Variants in INO80 observed in about 807,000 individuals in gnomAD.
The protein encoded by INO80 is INO80 complex ATPase subunit.
A neutral mutation model predicts 203.4 loss-of-function variants in INO80; 20 were observed. The ratio of observed to expected loss-of-function variants is 0.10; its 90% CI spans 0.07 to 0.14. The LOEUF (loss-of-function observed/expected upper bound fraction) is 0.14, where lower values mean the gene tolerates loss of function less well. Ranked by LOEUF, INO80 falls within the 10% of genes least tolerant of loss-of-function variation. INO80 has a pLI of 1.00. For missense variants in INO80, 1,419 were observed against 1,914.4 expected, an observed-to-expected ratio of 0.74 and a Z score of 4.83; for synonymous variants, 726 against 685.2, an observed-to-expected ratio of 1.06 and a Z score of -0.93.
intron 16 of INO80, 64 bp downstream of exon 16, chr15:41,058,551 CTGTGTGTGTGTGTGTGTGCGTGTG>C (rs1199681116): frequency 1.4e-5 from 12 of 872,474 alleles, no homozygotes; most frequent in Admixed American, 2.6e-5. Context: ...ATATACAAGT[CTGTGTGTGTGTGTGTGTGCGTGTG>C]TGTGTGTGTG....
At position 40,980,210 on chromosome 15, in the gene INO80, A is replaced by G. The variant is rs775664082; in HGVS notation, c.*13T>C. On this transcript the variant is annotated 3_prime_UTR_variant, in exon 36 of 36. Transcript: ENST00000648947. ...CCCTGGTTTGGTTGAAGGAAGTCGG[A>G]GGGCCCAGATGGTTACCGTCCTCCA... 3.7e-6 allele frequency: 6 copies of G among 1,609,644 alleles called. No homozygotes were observed. The South Asian group carries it at 4.4e-5, about 12-fold the overall frequency.
chr15:40,983,679 A>T (rs1893918412), intron 34 of INO80, 83 bp downstream of exon 34: 2 of 1,206,304 alleles, frequency 1.7e-6, no homozygotes, highest in Non-Finnish European at 2.4e-6. Flanking sequence ...CCATTATCCT[A>T]GAAGGAATCA....
intron 16 of INO80, 29 bp downstream of exon 16, chr15:41,058,609 AT>A: frequency 1.9e-6 from 3 of 1,601,278 alleles, no homozygotes; most frequent in Middle Eastern, 1.7e-4. Context: ...AACCCAATGC[AT>A]TGAGTTTGGT....
chr15:41,027,511 TTC>T, intron 25 of INO80, 83 bp downstream of exon 25: 4 of 1,176,116 alleles, frequency 3.4e-6, no homozygotes, highest in Non-Finnish European at 4.8e-6. Context: ...TTTAAAACAA[TTC>T]TGTTTAAGAA....
At chr15:41,021,291 A>G (rs2044290651) in intron 25 of INO80, among the ~76,000 whole-genome samples, 166 bp from the exon 26 acceptor site, 1 of 152,202 alleles carries the variant, frequency 6.6e-6, no homozygotes, top group Non-Finnish European at 1.5e-5. Context: ...TGACTTAGTG[A>G]GCTTTTCCAG....
Position 41,047,405 on chromosome 15 carries a change from C to T in INO80, c.2735+3G>A. On this transcript the variant is annotated splice_donor_region_variant and intron_variant, in intron 23 of 35. Coordinates refer to ENST00000648947, the MANE Select transcript of INO80 (RefSeq NM_017553.3). ...CTTATCAAGCAATAAGCAAACCTCT[C>T]ACCTGGCCAAAAGTCCCTGAAGCAT... 2 of 1,608,698 alleles carry T rather than the reference C, an allele frequency of 1.2e-6. No homozygotes were observed. Among genetic ancestry groups the T allele is most frequent in the South Asian group, 1.1e-5 (1 of 90,842 alleles).
At chr15:40,992,281 A>G (rs2043826631) in intron 29 of INO80, among the ~76,000 whole-genome samples, 1 of 152,248 alleles carries the variant, frequency 6.6e-6, no homozygotes, top group Admixed American at 6.5e-5. Context: ...CAGGTCTGAC[A>G]CAGAAACACA....
At position 41,085,774 on chromosome 15, in the gene INO80, G is replaced by C. The variant is rs575887894; in HGVS notation, c.659-191C>G. On this transcript the variant is annotated intron_variant, in intron 6 of 35. Coordinates refer to ENST00000648947, the MANE Select transcript of INO80 (RefSeq NM_017553.3). ...ACAGAGAAGAAGAAACATACTGATT[G>C]ATACCTCACTAACCTGGAAAAGAAC... Among the ~76,000 whole-genome samples, 9 of 152,224 alleles carry C rather than the reference G, an allele frequency of 5.9e-5. No homozygotes were observed. The South Asian group carries it at 1.9e-3, about 32-fold the overall frequency.
chr15:41,109,983 T>C (rs2045935911), intron 1 of INO80, among the ~76,000 whole-genome samples: 1 of 149,184 alleles, frequency 6.7e-6, no homozygotes, highest in African/African-American at 2.5e-5. Context: ...TAATCCCAGC[T>C]GCTGGGGAGG....
chr15:41,087,537 G>A lies in INO80; in HGVS notation c.658+25C>T, dbSNP rs79884917. On this transcript the variant is annotated intron_variant, in intron 6 of 35. Coordinates refer to ENST00000648947, the MANE Select transcript of INO80 (RefSeq NM_017553.3). ...ATTCTGAAACTAAGAATGAATATAC[G>A]TGGAAGGCAGTTCAACATGCTCACC... 6.2e-4 allele frequency: 1,001 copies of A among 1,612,062 alleles called. 7 individuals carry two copies. In the African/African-American group the frequency reaches 0.011, roughly 18 times the overall value.
At chr15:41,070,617 A>C (rs1309900569) in intron 12 of INO80, 70 bp from the exon 13 acceptor site, 1 of 1,227,678 alleles carries the variant, frequency 8.1e-7, no homozygotes, top group Non-Finnish European at 1.2e-6. Flanking sequence ...GTTACCAAAA[A>C]GAACGACCAA....
intron 18 of INO80, among the ~76,000 whole-genome samples, chr15:41,054,388 G>A (rs1023846416): frequency 6.6e-6 from 1 of 152,076 alleles, no homozygotes; most frequent in Non-Finnish European, 1.5e-5. Context: ...ATCACATAAG[G>A]ATTTTTCTAA....
intron 27 of INO80, among the ~76,000 whole-genome samples, chr15:41,012,107 G>A (rs774762941): frequency 6.6e-6 from 1 of 152,178 alleles, no homozygotes; most frequent in Non-Finnish European, 1.5e-5. Context: ...TCAGAGATAA[G>A]TCATCTGTAA....
chr15:41,058,139 T>C (rs1003160278), intron 16 of INO80, among the ~76,000 whole-genome samples: 1 of 152,142 alleles, frequency 6.6e-6, no homozygotes, highest in South Asian at 2.1e-4. Context: ...AGAACTCCTA[T>C]CTAAAATAAT....
intron 28 of INO80, among the ~76,000 whole-genome samples, chr15:40,998,587 C>A (rs2140428695): frequency 6.6e-6 from 1 of 152,234 alleles, no homozygotes; most frequent in Admixed American, 6.5e-5. Context: ...CTGTCACTCA[C>A]TCGAGCAACA....
At chr15:41,037,773 C>T (rs1032885343) in intron 24 of INO80, among the ~76,000 whole-genome samples, 4 of 151,714 alleles carry the variant, frequency 2.6e-5, no homozygotes, top group Non-Finnish European at 4.4e-5. Flanking sequence ...CGAAACCCCA[C>T]CTCTACTAAA....
Position 40,987,848 on chromosome 15 carries a change from G to T in INO80, c.3697C>A (p.Arg1233Ser). The T allele has an allele frequency of 6.2e-7, 1 of 1,614,054 alleles. No individual in the cohort carries two copies. The highest frequency in any genetic ancestry group is 8.5e-7 in the Non-Finnish European group (1 of 1,179,988). ...RLICKGTIEE[R>S]ILQRAKEKSE... is the part of the protein sequence containing the mutation. Reference sequence around the variant, plus strand: ...TTCTCCTTGGCTCTTTGCAGAATGCGTTCTTCAATGGTGCCTTTACAGATG... The same window carrying T: ...TTCTCCTTGGCTCTTTGCAGAATGCTTTCTTCAATGGTGCCTTTACAGATG... Residue 1233 changes from arginine to serine, a missense_variant, in exon 30 of 36, where the codon CGC becomes AGC. By Grantham distance (110) the Arg-to-Ser change is moderately radical. This residue lies in a region of INO80 where 65 missense variants were observed against 186.7 expected (regional missense o/e 0.35). Coordinates refer to ENST00000648947, the MANE Select transcript of INO80 (RefSeq NM_017553.3).
intron 24 of INO80, among the ~76,000 whole-genome samples, chr15:41,040,240 T>G (rs1191516702): frequency 1.3e-5 from 2 of 152,134 alleles, no homozygotes; most frequent in African/African-American, 2.4e-5. Context: ...TTCTAAAATT[T>G]ACATGAATAC....
At chr15:41,111,777 T>C (rs1409900551) in intron 1 of INO80, among the ~76,000 whole-genome samples, 2 of 149,692 alleles carry the variant, frequency 1.3e-5, no homozygotes, top group African/African-American at 2.5e-5. Context: ...TACTCCAGCC[T>C]GGGCTACAAG....
Sources: allele counts gnomAD v4.1 joint callset (sites outside exome capture counted in the v4.1 genomes callset), GRCh38; gene constraint gnomAD v4.1.1; regional missense constraint gnomAD v4.1.1; transcripts MANE v1.5; gene names NCBI Gene and HGNC (gene_info 2026-07-23, HGNC 2026-07-21).